Variants in KLHL14 observed in about 807,000 individuals in gnomAD.
KLHL14 encodes kelch-like protein 14.
KLHL14 carries 22 observed loss-of-function variants against 64.3 expected under a neutral mutation model. The observed-to-expected ratio is 0.34, with a 90% CI of 0.24 to 0.49. The LOEUF is 0.49. Ranked by LOEUF, KLHL14 falls within the 20% of genes least tolerant of loss-of-function variation. KLHL14 has a pLI of 0.99. For missense variants in KLHL14, 661 were observed against 789.0 expected, an observed-to-expected ratio of 0.84 and a Z score of 1.94; for synonymous variants, 322 against 333.4, an observed-to-expected ratio of 0.97 and a Z score of 0.37.
intron 2 of KLHL14, among the ~76,000 whole-genome samples, chr18:32,751,999 T>TGCC: frequency 6.6e-6 from 1 of 152,198 alleles, no homozygotes; most frequent in Admixed American, 6.5e-5. Flanking sequence ...TTGTGGCGTG[T>TGCC]GCCTGTAATC....
chr18:32,742,677 T>A (rs2050205032), intron 2 of KLHL14, among the ~76,000 whole-genome samples: 1 of 152,140 alleles, frequency 6.6e-6, no homozygotes, highest in Non-Finnish European at 1.5e-5. Context: ...TCTCCCCCTG[T>A]GCACCACTGG....
At chr18:32,771,025 CG>C in intron 1 of KLHL14, 1 of 359,938 alleles carries the variant, frequency 2.8e-6, no homozygotes, top group Non-Finnish European at 5.6e-6. Context: ...GTGTCCATGC[CG>C]GGCCAGATGA....
intron 3 of KLHL14, among the ~76,000 whole-genome samples, chr18:32,741,390 C>T (rs2050196628): frequency 6.6e-6 from 1 of 152,198 alleles, no homozygotes; most frequent in Non-Finnish European, 1.5e-5. Flanking sequence ...AGCACAATTT[C>T]ATGCAGCTGG....
intron 3 of KLHL14, among the ~76,000 whole-genome samples, chr18:32,726,111 G>A (rs1371764796): frequency 6.6e-6 from 1 of 152,216 alleles, no homozygotes; most frequent in East Asian, 1.9e-4. Flanking sequence ...CGGCCTGTTG[G>A]CCAAATCCAG....
At chr18:32,747,533 A>G (rs1306027240) in intron 2 of KLHL14, among the ~76,000 whole-genome samples, 2 of 152,178 alleles carry the variant, frequency 1.3e-5, no homozygotes, top group South Asian at 2.1e-4. Flanking sequence ...TTGCGCTCAT[A>G]TGAGAATCTG....
At chr18:32,758,264 A>C (rs2050293441) in intron 2 of KLHL14, among the ~76,000 whole-genome samples, 1 of 152,150 alleles carries the variant, frequency 6.6e-6, no homozygotes, top group South Asian at 2.1e-4. Flanking sequence ...TGGAACTATA[A>C]GCATGCACCA....
intron 3 of KLHL14, among the ~76,000 whole-genome samples, chr18:32,722,791 C>T (rs1204499005): frequency 6.6e-6 from 1 of 152,132 alleles, no homozygotes; most frequent in African/African-American, 2.4e-5. Context: ...GAGACCCTGT[C>T]TCACAATTAA....
intron 2 of KLHL14, among the ~76,000 whole-genome samples, chr18:32,752,083 C>T (rs779396765): frequency 3.0e-4 from 45 of 152,122 alleles, no homozygotes; most frequent in Non-Finnish European, 4.9e-4. Flanking sequence ...GCTGAGGACA[C>T]GTCACTGCAC....
At chr18:32,764,186 C>G (rs2050328687) in intron 2 of KLHL14, among the ~76,000 whole-genome samples, 1 of 152,138 alleles carries the variant, frequency 6.6e-6, no homozygotes, top group African/African-American at 2.4e-5. Context: ...ATTTTGATTT[C>G]CTACTCGAAA....
chr18:32,700,430 A>G (rs1399969229), intron 3 of KLHL14, among the ~76,000 whole-genome samples: 2 of 152,072 alleles, frequency 1.3e-5, no homozygotes, highest in African/African-American at 4.8e-5. Context: ...CCCTCGGCCC[A>G]CCCTCAGCCT....
chr18:32,732,248 T>C (rs1333201195), intron 3 of KLHL14, among the ~76,000 whole-genome samples: 5 of 152,022 alleles, frequency 3.3e-5, no homozygotes, highest in African/African-American at 4.8e-5. Context: ...AAAAAAGAAA[T>C]GGTTTTATAT....
Position 32,754,071 on chromosome 18 carries a change from A to G in KLHL14, c.948-12022T>C, listed in dbSNP as rs1391393457. 2.6e-5 allele frequency among the ~76,000 whole-genome samples: 4 copies of G among 152,260 alleles called. No individual in the cohort carries two copies. The East Asian group carries it at 7.7e-4, about 29-fold the overall frequency. On this transcript the variant is annotated intron_variant, in intron 2 of 8. Coordinates refer to ENST00000359358, the MANE Select transcript of KLHL14 (RefSeq NM_020805.3). ...CTGAGCAAGCTGGTGGGGACAACCA[A>G]CATGTGTGTGACAGGAGAAAGCTCT...
In KLHL14 at chr18:32,680,600, C is replaced by G. The variant is rs1248874312; in HGVS notation, c.1239-1G>C. The G allele has an allele frequency of 6.2e-7, 1 of 1,602,732 alleles. No individual in the cohort carries two copies. Among genetic ancestry groups the G allele is most frequent in the Non-Finnish European group, 8.5e-7 (1 of 1,174,636 alleles). ...CCGACATGCATAGAAACTGGCTCTT[C>G]TACAATGAAAAGAACCCACAGTAAA... On this transcript the variant is annotated splice_acceptor_variant, in intron 5 of 8. Transcript: ENST00000359358. LOFTEE classifies it high-confidence loss of function. This position sits in a 1 kb window ranked among gnomAD's most constrained non-coding sequence, Gnocchi z 4.8.
intron 3 of KLHL14, among the ~76,000 whole-genome samples, chr18:32,703,143 A>T (rs941880160): frequency 3.9e-5 from 6 of 152,244 alleles, no homozygotes; most frequent in Non-Finnish European, 1.5e-5. Context: ...TGAGCCCCTG[A>T]AGGCCAGATG....
chr18:32,742,256 A>G (rs1356108074), intron 2 of KLHL14, among the ~76,000 whole-genome samples: 1 of 152,128 alleles, frequency 6.6e-6, no homozygotes. Context: ...ATACTCATAG[A>G]ATAATAAGCT....
At chr18:32,722,475 G>A (rs556596704) in intron 3 of KLHL14, among the ~76,000 whole-genome samples, 1 of 152,208 alleles carries the variant, frequency 6.6e-6, no homozygotes, top group East Asian at 1.9e-4. Flanking sequence ...AGCCCAGCAG[G>A]GAGCCACAGT....
intron 3 of KLHL14, among the ~76,000 whole-genome samples, chr18:32,739,681 C>G (rs952270460): frequency 2.7e-5 from 4 of 149,728 alleles, no homozygotes; most frequent in African/African-American, 9.8e-5. Context: ...CATTTATTTC[C>G]TTCAACTTCA....
At chr18:32,686,428 G>C (rs1015154704) in intron 5 of KLHL14, among the ~76,000 whole-genome samples, 1 of 152,092 alleles carries the variant, frequency 6.6e-6, no homozygotes, top group Non-Finnish European at 1.5e-5. Context: ...TGCAGATAAA[G>C]ACATGGTGTC....
At chr18:32,732,244 G>A (rs1420773153) in intron 3 of KLHL14, among the ~76,000 whole-genome samples, 1 of 152,094 alleles carries the variant, frequency 6.6e-6, no homozygotes, top group African/African-American at 2.4e-5. Context: ...AAAGAAAAAA[G>A]AAATGGTTTT....
Sources: gnomAD v4.1 joint callset for allele counts (sites outside exome capture counted in the v4.1 genomes callset) on GRCh38, gnomAD v4.1.1 for gene constraint, Gnocchi (gnomAD v3.1) non-coding constraint, MANE v1.5 for transcripts, NCBI Gene and HGNC (gene_info 2026-07-23, HGNC 2026-07-21) for gene names.